OLFM2: variants seen among roughly 807,000 people sequenced by gnomAD.
OLFM2 encodes olfactomedin 2, also known as noelin-2.
A neutral mutation model predicts 43.9 loss-of-function variants in OLFM2; 20 were observed. That is an observed-to-expected ratio of 0.46 (90% confidence interval 0.32 to 0.66). The LOEUF (loss-of-function observed/expected upper bound fraction) is 0.66, where lower values mean the gene tolerates loss of function less well. Among genes scored for constraint, OLFM2 ranks in the 30% least tolerant of loss-of-function variants. The pLI is 0.04. For missense variants in OLFM2, 416 were observed against 643.6 expected (o/e 0.65, Z 3.83); for synonymous variants, 268 against 278.6 (o/e 0.96, Z 0.38).
chr19:9,886,735 TTTC>T (rs1281028992), intron 1 of OLFM2, among the ~76,000 whole-genome samples: 1 of 151,798 alleles, frequency 6.6e-6, no homozygotes, highest in South Asian at 2.1e-4. Context: ...TTTTTCTTTC[TTTC>T]TTTTTTTTAA....
intron 2 of OLFM2, among the ~76,000 whole-genome samples, chr19:9,859,640 T>G (rs182541248): frequency 3.0e-4 from 46 of 152,248 alleles, no homozygotes; most frequent in African/African-American, 1.1e-3. Flanking sequence ...AAGGAAACTT[T>G]TATAGGAGCC....
chr19:9,893,930 C>G (rs780049045), intron 1 of OLFM2, among the ~76,000 whole-genome samples: 3 of 152,090 alleles, frequency 2.0e-5, no homozygotes, highest in African/African-American at 4.8e-5. Context: ...TTGAACATCC[C>G]TCTATCTGAG....
intron 1 of OLFM2, among the ~76,000 whole-genome samples, chr19:9,931,180 C>T (rs1387464104): frequency 6.6e-6 from 1 of 152,218 alleles, no homozygotes; most frequent in Non-Finnish European, 1.5e-5. Context: ...CCCAGGAGAA[C>T]ATCGTCTTAC....
At position 9,857,163 on chromosome 19, in the gene OLFM2, G is replaced by T; in HGVS notation, c.580+100C>A. ...GTCAAGGGTTGAGGTTTAAAAGTTA[G>T]AGGTCAAAACTGTGTCCAGCTTCTA... is the stretch of plus-strand genomic sequence containing the variant. On this transcript the variant is annotated intron_variant, in intron 4 of 5. Transcript: ENST00000264833. This position sits in a 1 kb window ranked among gnomAD's most constrained non-coding sequence, Gnocchi z 5.7. 8.5e-7 allele frequency: 1 copy of T among 1,182,590 alleles called. No individual in the cohort carries two copies. Among genetic ancestry groups the T allele is most frequent in the South Asian group, 1.3e-5 (1 of 79,106 alleles). 73.3% of individuals were successfully genotyped at this position (1,182,590 alleles called of 1,614,324 possible). A position where few individuals can be genotyped will look rare whatever the true frequency, so the allele number is the denominator to read the frequency against.
rs549217243 is a variant in OLFM2 at position 9,902,330 on chromosome 19, C to A, written c.63+33974G>T. ...GGCGTGAGCCACTGCGCCCAGCCGA[C>A]TCTATATTGATATTGAGGACACTGG... is the stretch of plus-strand genomic sequence containing the variant. On this transcript the variant is annotated intron_variant, in intron 1 of 5. Coordinates refer to ENST00000264833, the MANE Select transcript of OLFM2 (RefSeq NM_058164.4). 2.6e-5 allele frequency among the ~76,000 whole-genome samples: 4 copies of A among 151,122 alleles called. No homozygotes were observed. In the East Asian group the frequency reaches 7.8e-4, roughly 30 times the overall value.
At chr19:9,890,876 C>T (rs904668929) in intron 1 of OLFM2, among the ~76,000 whole-genome samples, 14 of 152,058 alleles carry the variant, frequency 9.2e-5, no homozygotes, top group Admixed American at 6.6e-5. Context: ...ATTGTTTAAG[C>T]CCAGGAGTTG....
chr19:9,858,248 C>T (rs2046339361), intron 2 of OLFM2: 3 of 346,412 alleles, frequency 8.7e-6, no homozygotes, highest in Non-Finnish European at 1.7e-5. Context: ...GCCCAACCCA[C>T]TTCCTCTCTC....
chr19:9,866,497 CT>C (rs35368530), intron 1 of OLFM2, among the ~76,000 whole-genome samples: 377 of 125,562 alleles, frequency 3.0e-3, no homozygotes, highest in Middle Eastern at 8.3e-3. Context: ...AGCCAACCCA[CT>C]TTTTTTTTTT....
intron 1 of OLFM2, among the ~76,000 whole-genome samples, chr19:9,906,694 G>A (rs572960751): frequency 6.6e-6 from 1 of 152,236 alleles, no homozygotes; most frequent in East Asian, 1.9e-4. Context: ...TTTGCAACTG[G>A]GAGGACCAGA....
intron 1 of OLFM2, among the ~76,000 whole-genome samples, chr19:9,876,402 C>A (rs1264800214): frequency 6.6e-6 from 1 of 152,132 alleles, no homozygotes. Flanking sequence ...TGGAGGGAGG[C>A]CTCGAAGGCT....
intron 1 of OLFM2, among the ~76,000 whole-genome samples, chr19:9,870,062 A>T (rs1010395080): frequency 2.9e-4 from 44 of 151,766 alleles, no homozygotes; most frequent in African/African-American, 9.2e-4. Context: ...CTGGTTAATT[A>T]AAAAAAAATT....
chr19:9,874,145 C>A (rs2046466066), intron 1 of OLFM2, among the ~76,000 whole-genome samples: 1 of 152,102 alleles, frequency 6.6e-6, no homozygotes, highest in Non-Finnish European at 1.5e-5. Flanking sequence ...TATTCAAATT[C>A]CCCAGTTTTC....
At chr19:9,936,203 G>T in intron 1 of OLFM2, 101 bp downstream of exon 1, 1 of 1,302,274 alleles carries the variant, frequency 7.7e-7, no homozygotes, top group African/African-American at 1.5e-5. Flanking sequence ...TGCAGCTGGG[G>T]GGGCTTGTGG....
chr19:9,863,741 CTTTT>C (rs907582021), intron 1 of OLFM2, among the ~76,000 whole-genome samples: 1 of 146,022 alleles, frequency 6.8e-6, no homozygotes, highest in Non-Finnish European at 1.5e-5. Context: ...TCAATCGAGT[CTTTT>C]TTTTTTTAAG....
intron 1 of OLFM2, among the ~76,000 whole-genome samples, chr19:9,863,991 G>C (rs1020862635): frequency 6.6e-6 from 1 of 152,226 alleles, no homozygotes; most frequent in Non-Finnish European, 1.5e-5. Context: ...CGCCTTCCTT[G>C]TACTCAGGTA....
rs537424584 is a variant in OLFM2 at position 9,921,658 on chromosome 19, T to G, written c.63+14646A>C. On this transcript the variant is annotated intron_variant, in intron 1 of 5. Coordinates refer to ENST00000264833, the MANE Select transcript of OLFM2 (RefSeq NM_058164.4). The stretch of plus-strand genomic sequence containing the variant: ...CGCCCGCCACCACACCTGGCTATTT[T>G]GTATTTTTAGTAGAGACGGGGTTTC... Among the ~76,000 whole-genome samples, 404 of 152,132 alleles carry G rather than the reference T, an allele frequency of 2.7e-3. 1 individual carries two copies. The highest frequency in any genetic ancestry group is 3.9e-3 in the Non-Finnish European group (267 of 67,968).
At chr19:9,893,125 T>A (rs56034846) in intron 1 of OLFM2, among the ~76,000 whole-genome samples, 6 of 151,752 alleles carry the variant, frequency 4.0e-5, no homozygotes, top group Admixed American at 2.0e-4. Context: ...GACTCTAGTC[T>A]GTCATAGAGT....
rs185392432 is a variant in OLFM2 at position 9,931,919 on chromosome 19, G to A, written c.63+4385C>T. The stretch of plus-strand genomic sequence containing the variant: ...TCCATCCAGGAGCGAGTGTTCCCCT[G>A]ACACTCTCTTGATAAAAGAATCCTG... On this transcript the variant is annotated intron_variant, in intron 1 of 5. Transcript: ENST00000264833. Among the ~76,000 whole-genome samples the A allele has an allele frequency of 1.8e-3, 279 of 151,794 alleles. 4 individuals carry two copies. Among genetic ancestry groups the A allele is most frequent in the Non-Finnish European group, 5.4e-4 (37 of 68,002 alleles).
At chr19:9,924,254 A>C (rs1245007055) in intron 1 of OLFM2, among the ~76,000 whole-genome samples, 2 of 150,588 alleles carry the variant, frequency 1.3e-5, no homozygotes, top group East Asian at 3.9e-4. Flanking sequence ...AAATACAAAA[A>C]AATTACCTGG....
Sources: allele counts gnomAD v4.1 joint callset (sites outside exome capture counted in the v4.1 genomes callset), GRCh38; gene constraint gnomAD v4.1.1; non-coding constraint Gnocchi (gnomAD v3.1); transcripts MANE v1.5; gene names NCBI Gene and HGNC (gene_info 2026-07-23, HGNC 2026-07-21).